The following PCNX2 variants were observed in gnomAD, a reference collection of about 807,000 sequenced individuals.
PCNX2 encodes pecanex-like protein 2.
Under a neutral mutation model 223.8 loss-of-function variants are expected in PCNX2, and 168 were observed. The ratio of observed to expected loss-of-function variants is 0.75; its 90% CI spans 0.66 to 0.85. PCNX2 has a LOEUF of 0.85. Ranked by LOEUF, PCNX2 falls within the 40% of genes least tolerant of loss-of-function variation. The pLI, the probability that PCNX2 is intolerant of heterozygous loss-of-function variation, is 0.00. For synonymous variants in PCNX2, 1,006 were observed against 1,052.6 expected (o/e 0.96, Z 0.86); for missense variants, 2,507 against 2,675.5 (o/e 0.94, Z 1.39).
intron 21 of PCNX2, among the ~76,000 whole-genome samples, chr1:233,101,100 T>G (rs549230247): frequency 6.6e-6 from 1 of 152,240 alleles, no homozygotes; most frequent in East Asian, 1.9e-4. Flanking sequence ...GAGAAGAAAT[T>G]TGGAGGTTCA....
chr1:233,046,194 A>T (rs1441473181), intron 25 of PCNX2, among the ~76,000 whole-genome samples: 1 of 152,214 alleles, frequency 6.6e-6, no homozygotes, highest in East Asian at 1.9e-4. Context: ...TGATGGCTTC[A>T]GTAGACTTCA....
At chr1:233,194,124 A>G (rs1430262072) in intron 15 of PCNX2, among the ~76,000 whole-genome samples, 1 of 151,724 alleles carries the variant, frequency 6.6e-6, no homozygotes, top group African/African-American at 2.4e-5. Flanking sequence ...CTGAAAACAA[A>G]GACAGAGAAA....
intron 19 of PCNX2, among the ~76,000 whole-genome samples, chr1:233,156,688 C>G: frequency 6.6e-6 from 1 of 152,144 alleles, no homozygotes; most frequent in East Asian, 1.9e-4. Flanking sequence ...GAGACCAAGG[C>G]GGGCAGATCA....
chr1:233,134,886 T>C (rs555774331), intron 21 of PCNX2, 127 bp downstream of exon 21: 4 of 780,058 alleles, frequency 5.1e-6, no homozygotes, highest in South Asian at 1.8e-5. Context: ...TTAACATACA[T>C]GTATAATTCA....
intron 25 of PCNX2, among the ~76,000 whole-genome samples, chr1:233,031,073 T>C (rs1020928052): frequency 6.6e-6 from 1 of 152,244 alleles, no homozygotes; most frequent in African/African-American, 2.4e-5. Flanking sequence ...GTGGAGGCAG[T>C]AATGAAGCTC....
chr1:233,299,346 C>CTT (rs60922376), upstream of PCNX2, among the ~76,000 whole-genome samples: 101,072 of 151,942 alleles, frequency 0.67, 33,960 homozygotes, highest in East Asian at 0.79. Flanking sequence ...GAATTTCTCT[C>CTT]GAACTATCAA....
At chr1:233,077,685 T>C (rs1052997626) in intron 23 of PCNX2, among the ~76,000 whole-genome samples, 1 of 152,110 alleles carries the variant, frequency 6.6e-6, no homozygotes, top group African/African-American at 2.4e-5. Flanking sequence ...TAATAATCAA[T>C]TTAGAAAGCA....
chr1:233,132,892 CTTTTTTTTTTTT>C (rs892121349), intron 21 of PCNX2, among the ~76,000 whole-genome samples: 1 of 114,858 alleles, frequency 8.7e-6, no homozygotes, highest in Non-Finnish European at 1.8e-5. Context: ...CATTTTACAT[CTTTTTTTTTTTT>C]TTTTTTTTTT....
At chr1:233,012,184 T>C (rs1205001323) in intron 28 of PCNX2, among the ~76,000 whole-genome samples, 1 of 152,226 alleles carries the variant, frequency 6.6e-6, no homozygotes, top group East Asian at 1.9e-4. Flanking sequence ...CCCTAAACAG[T>C]ATCTATAAAA....
At chr1:233,070,771 T>G in intron 23 of PCNX2, among the ~76,000 whole-genome samples, 1 of 152,132 alleles carries the variant, frequency 6.6e-6, no homozygotes, top group African/African-American at 2.4e-5. Flanking sequence ...GCACAGTGGC[T>G]CATGCCTGTA....
chr1:233,238,322 T>C (rs933622749), intron 8 of PCNX2, among the ~76,000 whole-genome samples: 1 of 152,200 alleles, frequency 6.6e-6, no homozygotes, highest in Non-Finnish European at 1.5e-5. Context: ...ATCTTTTGGA[T>C]GTTTCTTTTT....
intron 13 of PCNX2, among the ~76,000 whole-genome samples, chr1:233,206,435 T>C (rs1051836459): frequency 6.7e-6 from 1 of 149,886 alleles, no homozygotes; most frequent in South Asian, 2.1e-4. Flanking sequence ...ACTCAAACTC[T>C]GATTTTTTCA....
intron 28 of PCNX2, among the ~76,000 whole-genome samples, chr1:233,004,207 T>C (rs999888368): frequency 1.3e-5 from 2 of 152,088 alleles, no homozygotes; most frequent in African/African-American, 4.8e-5. Flanking sequence ...ATAAAAATTA[T>C]AGTTCCACAC....
At chr1:233,216,832 AAAG>A (rs556169761) in intron 12 of PCNX2, among the ~76,000 whole-genome samples, 49 of 152,294 alleles carry the variant, frequency 3.2e-4, no homozygotes, top group South Asian at 2.1e-4. Flanking sequence ...ATGAATGGAT[AAAG>A]AAGATGTGGT....
intron 17 of PCNX2, among the ~76,000 whole-genome samples, chr1:233,165,157 A>C (rs1169149570): frequency 1.3e-5 from 2 of 152,232 alleles, no homozygotes; most frequent in Non-Finnish European, 2.9e-5. Context: ...ATTATTGTCA[A>C]TTAAAAGCAA....
chr1:232,984,847 A>G (rs1276449536), intron 33 of PCNX2: 1 of 178,080 alleles, frequency 5.6e-6, no homozygotes, highest in Non-Finnish European at 1.2e-5. Context: ...TGACCCCAGT[A>G]GAACACAGAG....
At chr1:233,168,024 T>A (rs553567560) in intron 17 of PCNX2, among the ~76,000 whole-genome samples, 3 of 152,122 alleles carry the variant, frequency 2.0e-5, no homozygotes, top group African/African-American at 7.2e-5. Context: ...AAATTACTTA[T>A]CTAAAAAACA....
At chr1:233,231,577 T>C (rs1658064996) in intron 9 of PCNX2, 2 of 915,968 alleles carry the variant, frequency 2.2e-6, no homozygotes, top group South Asian at 5.0e-5. Flanking sequence ...ATATTGAAAA[T>C]AATTAGAGGT....
At chr1:233,083,317 G>A (rs921358761) in intron 23 of PCNX2, among the ~76,000 whole-genome samples, 1 of 152,184 alleles carries the variant, frequency 6.6e-6, no homozygotes, top group Non-Finnish European at 1.5e-5. Flanking sequence ...AAGGAGAGCT[G>A]CCTCCAAACT....
Sources: allele counts gnomAD v4.1 joint callset (sites outside exome capture counted in the v4.1 genomes callset), GRCh38; gene constraint gnomAD v4.1.1; transcripts MANE v1.5; gene names NCBI Gene and HGNC (gene_info 2026-07-23, HGNC 2026-07-21).